The following MON2 variants were observed in gnomAD, a reference collection of about 807,000 sequenced individuals.
MON2 encodes MON2 regulator of endosome-to-Golgi trafficking.
Under a neutral mutation model 208.6 loss-of-function variants are expected in MON2, and 84 were observed. The ratio of observed to expected loss-of-function variants is 0.40; its 90% CI spans 0.34 to 0.48. MON2 has a LOEUF of 0.48. Among genes scored for constraint, MON2 ranks in the 20% least tolerant of loss-of-function variants. The pLI is 0.59. For synonymous variants in MON2, 660 were observed against 694.0 expected (o/e 0.95, Z 0.77); for missense variants, 1,611 against 2,015.4 (o/e 0.80, Z 3.84).
chr12:62,472,136 A>G (rs975834695), intron 1 of MON2, among the ~76,000 whole-genome samples: 1 of 152,204 alleles, frequency 6.6e-6, no homozygotes, highest in African/African-American at 2.4e-5. Flanking sequence ...TGTGAGAGCT[A>G]GGTTGGATTC....
rs2075505523 is a variant in MON2 at position 62,595,357 on chromosome 12, C to A, written c.*2608C>A. 6.6e-6 allele frequency: 1 copy of A among 152,112 alleles called. No individual in the cohort carries two copies. The highest frequency in any genetic ancestry group is 1.5e-5 in the Non-Finnish European group (1 of 68,054). 9.4% of individuals were successfully genotyped at this position (152,112 alleles called of 1,614,324 possible). ...ATGGGGTTTCACCATTTTGGCCATT[C>A]TAGTCTTGAACTCCTGACCTCAGGT... is the stretch of plus-strand genomic sequence containing the variant. On this transcript the variant is annotated 3_prime_UTR_variant, in exon 35 of 35. Transcript: ENST00000393630.
At chr12:62,578,959 G>A (rs2074894817) in intron 31 of MON2, among the ~76,000 whole-genome samples, 1 of 152,116 alleles carries the variant, frequency 6.6e-6, no homozygotes, top group South Asian at 2.1e-4. Flanking sequence ...TTTGAGGCTG[G>A]GAACTGTGAC....
At chr12:62,548,839 A>G (rs1250213090) in intron 22 of MON2, among the ~76,000 whole-genome samples, 1 of 152,152 alleles carries the variant, frequency 6.6e-6, no homozygotes, top group Non-Finnish European at 1.5e-5. Flanking sequence ...ACTTCTTATT[A>G]TCTTTATTTG....
At chr12:62,520,364 G>T (rs1015739303) in intron 8 of MON2, among the ~76,000 whole-genome samples, 15 of 151,998 alleles carry the variant, frequency 9.9e-5, no homozygotes, top group Non-Finnish European at 1.8e-4. Context: ...TCTGATTTTT[G>T]TTTGAAAGCT....
At chr12:62,553,539 G>A (rs1054333885) in intron 24 of MON2, among the ~76,000 whole-genome samples, 2 of 151,918 alleles carry the variant, frequency 1.3e-5, no homozygotes, top group Non-Finnish European at 2.9e-5. Flanking sequence ...GTTTTTGTTT[G>A]TTTTACTTTT....
At position 62,599,177 on chromosome 12, in the gene MON2, A is replaced by G. The variant is rs918426563; in HGVS notation, c.*6428A>G. ...TGAGAGCTTTATTAAAACCATTAAT[A>G]TATAAAATGAAAAAATAATAAACAG... On this transcript the variant is annotated 3_prime_UTR_variant, in exon 35 of 35. Transcript: ENST00000393630. 2 of 152,244 alleles carry G rather than the reference A, an allele frequency of 1.3e-5. No homozygotes were observed. Among genetic ancestry groups the G allele is most frequent in the Admixed American group, 6.5e-5 (1 of 15,290 alleles). 9.4% of individuals were successfully genotyped at this position (152,244 alleles called of 1,614,324 possible). A position where few individuals can be genotyped will look rare whatever the true frequency, so the allele number is the denominator to read the frequency against.
At chr12:62,564,983 G>T in intron 26 of MON2, 2 of 324,268 alleles carry the variant, frequency 6.2e-6, no homozygotes, top group Non-Finnish European at 1.1e-5. Flanking sequence ...TCACTTTGTT[G>T]GCCCTTTTTC....
intron 29 of MON2, among the ~76,000 whole-genome samples, chr12:62,570,151 CT>C: frequency 6.6e-6 from 1 of 152,208 alleles, no homozygotes; most frequent in South Asian, 2.1e-4. Flanking sequence ...CAAATTAGTT[CT>C]TTTAATAAAT....
chr12:62,539,329 G>A lies in MON2; in HGVS notation c.2364+824G>A, dbSNP rs1405434741. ...GTCGCCCAGGCTAGAGTGCAGTGGC[G>A]CAATCTCGGGTCACTGCTCTGCCTC... On this transcript the variant is annotated intron_variant, in intron 19 of 34. Transcript: ENST00000393630. Among the ~76,000 whole-genome samples, 8 of 151,064 alleles carry A rather than the reference G, an allele frequency of 5.3e-5. 1 individual carries two copies. The South Asian group carries it at 1.5e-3, about 28-fold the overall frequency.
At position 62,592,579 on chromosome 12, in the gene MON2, A is replaced by G. The variant is rs748934525; in HGVS notation, c.4991-7A>G. On this transcript the variant is annotated splice_region_variant and splice_polypyrimidine_tract_variant and intron_variant, in intron 34 of 34. Transcript: ENST00000393630. The stretch of plus-strand genomic sequence containing the variant: ...CCCTTTTGAGGTTTTATACTTTTGC[A>G]TTACAGTTGATGGAAATACCTGGGC... The G allele has an allele frequency of 1.9e-6, 3 of 1,579,860 alleles. No homozygotes were observed. Among genetic ancestry groups the G allele is most frequent in the Non-Finnish European group, 2.6e-6 (3 of 1,154,622 alleles).
intron 25 of MON2, among the ~76,000 whole-genome samples, chr12:62,558,916 C>T (rs35409044): frequency 0.4 from 61,007 of 151,744 alleles, 12,939 homozygotes; most frequent in African/African-American, 0.54. Flanking sequence ...CAGGCTGGTC[C>T]CGAACTCCTG....
At position 62,594,792 on chromosome 12, in the gene MON2, T is replaced by G. The variant is rs2075488931; in HGVS notation, c.*2043T>G. 1 of 152,250 alleles carries G rather than the reference T, an allele frequency of 6.6e-6. No homozygotes were observed. The highest frequency in any genetic ancestry group is 6.5e-5 in the Admixed American group (1 of 15,290). 9.4% of individuals were successfully genotyped at this position (152,250 alleles called of 1,614,324 possible). A position where few individuals can be genotyped will look rare whatever the true frequency, so the allele number is the denominator to read the frequency against. On this transcript the variant is annotated 3_prime_UTR_variant, in exon 35 of 35. Transcript: ENST00000393630. ...TCAAAACATAAACATAGTGAATGTG[T>G]TAATATCATATAATAAGGTAATAAA...
At chr12:62,477,775 A>T (rs2069175622) in intron 1 of MON2, among the ~76,000 whole-genome samples, 1 of 152,088 alleles carries the variant, frequency 6.6e-6, no homozygotes, top group Non-Finnish European at 1.5e-5. Flanking sequence ...TTCCTGCGCA[A>T]GTTACATAAT....
intron 27 of MON2, among the ~76,000 whole-genome samples, chr12:62,565,588 C>T (rs1196605242): frequency 6.6e-6 from 1 of 152,140 alleles, no homozygotes; most frequent in Non-Finnish European, 1.5e-5. Flanking sequence ...TTATGACTTT[C>T]CTCTTCCAAC....
In MON2 at chr12:62,560,775, G is replaced by T; in HGVS notation, c.3694G>T (p.Asp1232Tyr). The change falls in exon 26 of 35, where the codon GAT (aspartate) becomes TAT (tyrosine). Residue 1232 changes from aspartate to tyrosine, a missense_variant. Physicochemically the swap from Asp to Tyr is radical, Grantham distance 160 (BLOSUM62 -3). Transcript: ENST00000393630. ...TAGCTCTGAGCCACCCATTGTTACTGATGAGCTTGAAGATTTGAATCTATG... is the reference window on the plus strand; with the variant it reads ...TAGCTCTGAGCCACCCATTGTTACTTATGAGCTTGAAGATTTGAATCTATG... ...YSSSEPPIVT[D>Y]ELEDLNLWWA... 3.7e-6 allele frequency: 6 copies of T among 1,614,138 alleles called. No homozygotes were observed. The highest frequency in any genetic ancestry group is 4.2e-6 in the Non-Finnish European group (5 of 1,179,988).
At chr12:62,582,911 T>A (rs192254463) in intron 32 of MON2, among the ~76,000 whole-genome samples, 1 of 151,376 alleles carries the variant, frequency 6.6e-6, no homozygotes, top group African/African-American at 2.4e-5. Flanking sequence ...CCAAAACAAA[T>A]GAAGAGAGAG....
chr12:62,589,200 A>T (rs1451223651), intron 34 of MON2, among the ~76,000 whole-genome samples: 6 of 152,226 alleles, frequency 3.9e-5, no homozygotes. Context: ...CAGATGTGTC[A>T]CTAAACACAC....
chr12:62,560,176 AGTG>A lies in MON2; in HGVS notation c.3410-311_3410-309del, dbSNP rs374609837. 1.9e-3 allele frequency: 408 copies of A among 209,476 alleles called. 4 individuals are homozygous for A. The highest frequency in any genetic ancestry group is 8.9e-3 in the African/African-American group (380 of 42,784). 13.0% of individuals were successfully genotyped at this position (209,476 alleles called of 1,614,324 possible). ...TATTGGTTACATGGATGAATTGTAT[AGTG>A]GTGAAGTCTGAGATTTTAGTGCACT... On this transcript the variant is annotated intron_variant, in intron 25 of 34. Transcript: ENST00000393630.
intron 2 of MON2, among the ~76,000 whole-genome samples, chr12:62,486,844 A>C (rs2069826011): frequency 6.6e-6 from 1 of 152,174 alleles, no homozygotes; most frequent in Non-Finnish European, 1.5e-5. Context: ...TGGATATTGA[A>C]ATCTCATATG....
Sources: allele counts gnomAD v4.1 joint callset (sites outside exome capture counted in the v4.1 genomes callset), GRCh38; gene constraint gnomAD v4.1.1; transcripts MANE v1.5; gene names NCBI Gene and HGNC (gene_info 2026-07-23, HGNC 2026-07-21).